CRY1: variants seen among roughly 807,000 people sequenced by gnomAD.
CRY1 encodes cryptochrome circadian regulator 1, also known as cryptochrome-1.
A neutral mutation model predicts 76.0 loss-of-function variants in CRY1; 45 were observed. That is an observed-to-expected ratio of 0.59 (90% CI 0.47 to 0.76). The LOEUF (loss-of-function observed/expected upper bound fraction) is 0.76. CRY1 is among the 30% of genes least tolerant of loss of function. The probability of loss-of-function intolerance (pLI) is 0.00; values close to 1 mark genes in which losing one functional copy is unlikely to be tolerated. For missense variants in CRY1, 587 were observed against 716.4 expected, an observed-to-expected ratio of 0.82 and a Z score of 2.06; for synonymous variants, 248 against 244.0, an observed-to-expected ratio of 1.02 and a Z score of -0.15.
intron 2 of CRY1, among the ~76,000 whole-genome samples, chr12:107,014,082 C>T (rs1052852655): frequency 1.3e-5 from 2 of 152,184 alleles, no homozygotes; most frequent in African/African-American, 4.8e-5. Context: ...TCCACCAAGC[C>T]ACTGAGATTC....
In CRY1 at chr12:107,015,739, A is replaced by G. The variant is rs970839902; in HGVS notation, c.267+6345T>C. On this transcript the variant is annotated intron_variant, in intron 2 of 12. Transcript: ENST00000008527. Reference sequence around the variant, plus strand: ...TGCTCTGTTGTCCAGGCTGGAGTAGAGTGGCATGATCTTGGCTCACTGCAG... The same window carrying G: ...TGCTCTGTTGTCCAGGCTGGAGTAGGGTGGCATGATCTTGGCTCACTGCAG... Among the ~76,000 whole-genome samples, 5 of 152,114 alleles carry G rather than the reference A, an allele frequency of 3.3e-5. No individual in the cohort carries two copies. The South Asian group carries it at 6.2e-4, about 19-fold the overall frequency.
At chr12:107,065,184 T>C (rs1953095687) in intron 1 of CRY1, among the ~76,000 whole-genome samples, 1 of 152,126 alleles carries the variant, frequency 6.6e-6, no homozygotes, top group Admixed American at 6.5e-5. Flanking sequence ...CAATTCCAGC[T>C]ACTCAGGAAT....
At chr12:107,053,430 C>T (rs752407232) in intron 1 of CRY1, among the ~76,000 whole-genome samples, 13 of 152,100 alleles carry the variant, frequency 8.5e-5, no homozygotes, top group Non-Finnish European at 1.8e-4. Context: ...AATTCTCCTG[C>T]CTCAGCCTCC....
rs114639051 is a variant in CRY1, at chr12:107,078,929, C to A, written c.158+13875G>T. Among the ~76,000 whole-genome samples, 12 of 152,250 alleles carry A rather than the reference C, an allele frequency of 7.9e-5. No homozygotes were observed. The South Asian group carries it at 2.5e-3, about 32-fold the overall frequency. On this transcript the variant is annotated intron_variant, in intron 1 of 12. Transcript: ENST00000008527. ...TCTTATATCTTCCCCTTCCTCATAG[C>A]CTTTCCCCTTGTTTAAGCCTGTATT...
intron 1 of CRY1, among the ~76,000 whole-genome samples, chr12:107,071,462 T>A (rs1953189889): frequency 6.6e-6 from 1 of 152,206 alleles, no homozygotes; most frequent in African/African-American, 2.4e-5. Context: ...TGCTTCTGTA[T>A]CCTATTTGAT....
rs1185861859 is a variant in CRY1 at position 107,082,884 on chromosome 12, C to CA, written c.158+9919dup. Among the ~76,000 whole-genome samples, 47 of 151,860 alleles carry CA rather than the reference C, an allele frequency of 3.1e-4. 1 individual carries two copies. The highest frequency in any genetic ancestry group is 2.2e-3 in the Admixed American group (33 of 15,262). Reference sequence around the variant, plus strand: ...GGAGACAGAGACACGAAAAACCCTTCAAAAAAATCAATGAATCCAGGAGCT... The same window carrying CA: ...GGAGACAGAGACACGAAAAACCCTTCAAAAAAAATCAATGAATCCAGGAGCT... On this transcript the variant is annotated intron_variant, in intron 1 of 12. Coordinates refer to ENST00000008527, the MANE Select transcript of CRY1 (RefSeq NM_004075.5).
At chr12:107,033,367 T>G (rs1952699273) in intron 1 of CRY1, among the ~76,000 whole-genome samples, 1 of 152,148 alleles carries the variant, frequency 6.6e-6, no homozygotes, top group Non-Finnish European at 1.5e-5. Context: ...GATTCCAATC[T>G]CATAAAAAGG....
intron 1 of CRY1, among the ~76,000 whole-genome samples, chr12:107,060,633 T>G (rs1197450748): frequency 6.6e-6 from 1 of 152,212 alleles, no homozygotes; most frequent in Non-Finnish European, 1.5e-5. Context: ...AGTGGGTAAA[T>G]GCTCAAATCA....
intron 2 of CRY1, among the ~76,000 whole-genome samples, chr12:107,019,480 C>T (rs553109303): frequency 6.6e-6 from 1 of 152,056 alleles, no homozygotes; most frequent in Non-Finnish European, 1.5e-5. Flanking sequence ...TCCTCTCTGC[C>T]AAATTGATAA....
intron 10 of CRY1, among the ~76,000 whole-genome samples, chr12:106,996,868 T>C (rs1481134684): frequency 1.3e-5 from 2 of 152,232 alleles, no homozygotes; most frequent in Non-Finnish European, 2.9e-5. Context: ...GAAAAACTTA[T>C]GTGCAAAAAG....
At chr12:106,998,829 G>C (rs1305805075) in intron 7 of CRY1, among the ~76,000 whole-genome samples, 1 of 151,964 alleles carries the variant, frequency 6.6e-6, no homozygotes, top group Non-Finnish European at 1.5e-5. Context: ...GATCATTTGA[G>C]GTCAGGAGTT....
At chr12:107,019,125 C>G (rs571745389) in intron 2 of CRY1, among the ~76,000 whole-genome samples, 17 of 152,270 alleles carry the variant, frequency 1.1e-4, no homozygotes, top group Admixed American at 5.9e-4. Context: ...TAGTTAATGA[C>G]AGAAGAATCT....
chr12:107,063,477 A>T (rs1456821308), intron 1 of CRY1, among the ~76,000 whole-genome samples: 2 of 152,196 alleles, frequency 1.3e-5, no homozygotes, highest in African/African-American at 2.4e-5. Context: ...CAAGTTTTTC[A>T]ATGCTGACAT....
At chr12:107,035,192 C>T (rs1952720626) in intron 1 of CRY1, among the ~76,000 whole-genome samples, 1 of 152,128 alleles carries the variant, frequency 6.6e-6, no homozygotes, top group Non-Finnish European at 1.5e-5. Context: ...AATTATTCCA[C>T]TTTTTTTGAT....
At chr12:107,053,429 G>T (rs1952945389) in intron 1 of CRY1, among the ~76,000 whole-genome samples, 1 of 152,018 alleles carries the variant, frequency 6.6e-6, no homozygotes, top group Non-Finnish European at 1.5e-5. Flanking sequence ...CAATTCTCCT[G>T]CCTCAGCCTC....
intron 1 of CRY1, among the ~76,000 whole-genome samples, chr12:107,065,037 C>A (rs189799519): frequency 1.3e-5 from 2 of 152,152 alleles, no homozygotes; most frequent in South Asian, 4.1e-4. Flanking sequence ...TGGCTCACAC[C>A]ATTTTCCCAG....
At chr12:106,992,671 A>T in intron 12 of CRY1, 116 bp downstream of exon 12, 1 of 940,278 alleles carries the variant, frequency 1.1e-6, no homozygotes, top group Non-Finnish European at 1.6e-6. Context: ...CTTAAAAATT[A>T]ATGCCTCAAG....
chr12:107,074,363 T>A (rs756192864), intron 1 of CRY1, among the ~76,000 whole-genome samples: 3 of 152,162 alleles, frequency 2.0e-5, no homozygotes, highest in Non-Finnish European at 4.4e-5. Flanking sequence ...CTGGCCTACA[T>A]CACTTAAAAC....
chr12:107,090,578 C>A (rs930880284), intron 1 of CRY1, among the ~76,000 whole-genome samples: 11 of 152,158 alleles, frequency 7.2e-5, no homozygotes, highest in African/African-American at 1.7e-4. Flanking sequence ...GTCAGTCTCA[C>A]GGCTCCACTA....
Sources: gnomAD v4.1 joint callset for allele counts (sites outside exome capture counted in the v4.1 genomes callset) on GRCh38, gnomAD v4.1.1 for gene constraint, MANE v1.5 for transcripts, NCBI Gene and HGNC (gene_info 2026-07-23, HGNC 2026-07-21) for gene names.